Variants in ERMAP observed in about 807,000 individuals in gnomAD.
ERMAP encodes the protein erythroid membrane-associated protein.
In ERMAP, 34 loss-of-function variants were observed where a neutral mutation model predicts 49.5. The observed-to-expected ratio is 0.69, with a 90% CI of 0.52 to 0.91. The LOEUF (loss-of-function observed/expected upper bound fraction) is 0.91, where lower values mean the gene tolerates loss of function less well. Ranked by LOEUF, ERMAP falls within the 40% of genes least tolerant of loss-of-function variation. ERMAP has a pLI of 0.00. For missense variants in ERMAP, 541 were observed against 582.6 expected (o/e 0.93, Z 0.74); for synonymous variants, 214 against 232.2 (o/e 0.92, Z 0.71).
intron 8 of ERMAP, chr1:42,839,749 T>C: frequency 1.9e-6 from 1 of 523,566 alleles, no homozygotes; most frequent in Admixed American, 3.4e-5. Context: ...AACATCTACA[T>C]AATTTATGTT....
At chr1:42,837,261 A>G (rs1323108911) in intron 7 of ERMAP, 71 bp downstream of exon 7, 1 of 1,486,778 alleles carries the variant, frequency 6.7e-7, no homozygotes, top group African/African-American at 1.4e-5. Flanking sequence ...AAATGTTGAC[A>G]GTCATTATTA....
chr1:42,817,200 C>G lies in ERMAP; in HGVS notation c.-175C>G, dbSNP rs1231740004. 1 of 1,255,174 alleles carries G rather than the reference C, an allele frequency of 8.0e-7. No individual in the cohort carries two copies. The highest frequency in any genetic ancestry group is 1.3e-5 in the South Asian group (1 of 77,198). The allele number at this position is 1,255,174 out of a possible 1,614,324, so 77.8% of individuals were successfully genotyped here. A position where few individuals can be genotyped will look rare whatever the true frequency, so the allele number is the denominator to read the frequency against. On this transcript the variant is annotated 5_prime_UTR_variant, in exon 1 of 12. Transcript: ENST00000372517. ...CTTGGGAGTCTGTACCTTTCCCGAC[C>G]GGGCCACTGGAAGTTGGAGCCTCCG... is the stretch of plus-strand genomic sequence containing the variant.
chr1:42,839,911 A>C (rs1428098341), intron 8 of ERMAP, 122 bp from the exon 9 acceptor site: 5 of 960,044 alleles, frequency 5.2e-6, no homozygotes, highest in African/African-American at 3.3e-5. Context: ...CTTCTGGGGA[A>C]GTTCCAGGGT....
At chr1:42,838,449 G>A (rs539027208) in intron 7 of ERMAP, among the ~76,000 whole-genome samples, 35 of 152,290 alleles carry the variant, frequency 2.3e-4, no homozygotes, top group Non-Finnish European at 4.4e-4. Flanking sequence ...AATCTTCTGG[G>A]ACCTCCAATT....
intron 1 of ERMAP, among the ~76,000 whole-genome samples, chr1:42,822,706 A>G (rs988604869): frequency 6.6e-6 from 1 of 152,240 alleles, no homozygotes; most frequent in Non-Finnish European, 1.5e-5. Flanking sequence ...ATAAAACAGT[A>G]GAAGTTGTTC....
At chr1:42,818,105 C>T (rs1481169771) in intron 1 of ERMAP, among the ~76,000 whole-genome samples, 3 of 152,178 alleles carry the variant, frequency 2.0e-5, no homozygotes, top group Non-Finnish European at 4.4e-5. Flanking sequence ...TGTTTGGGTC[C>T]ACTATTTGTT....
At chr1:42,833,282 A>T (rs1273589937) in intron 4 of ERMAP, among the ~76,000 whole-genome samples, 1 of 152,268 alleles carries the variant, frequency 6.6e-6, no homozygotes, top group African/African-American at 2.4e-5. Context: ...AAAAAATCCA[A>T]AATATTTAAA....
chr1:42,833,660 T>A (rs1570539708), intron 4 of ERMAP, among the ~76,000 whole-genome samples: 1 of 152,196 alleles, frequency 6.6e-6, no homozygotes, highest in South Asian at 2.1e-4. Context: ...ATTTTTTTTT[T>A]AATAATGTAC....
chr1:42,838,778 T>C, intron 7 of ERMAP, 123 bp from the exon 8 acceptor site: 1 of 1,476,634 alleles, frequency 6.8e-7, no homozygotes, highest in South Asian at 1.2e-5. Flanking sequence ...GGAGCTGGAC[T>C]AGGGACATAG....
In ERMAP at chr1:42,835,083, T is replaced by G; in HGVS notation, c.479T>G (p.Val160Gly). The G allele has an allele frequency of 6.3e-7, 1 of 1,586,638 alleles. No individual in the cohort carries two copies. Among genetic ancestry groups the G allele is most frequent in the Non-Finnish European group, 8.7e-7 (1 of 1,154,760 alleles). Residue 160 changes from valine to glycine, a missense_variant, in exon 5 of 12, where the codon GTG becomes GGG. Physicochemically the swap from Val to Gly is moderately radical, Grantham distance 109 (BLOSUM62 -3). Transcript: ENST00000372517. ...TCCCCCTCAGCAGTGGCTCTGGCTGTGATCCTGCCTGTCCTGGTACTTCTC... is the reference window on the plus strand; with the variant it reads ...TCCCCCTCAGCAGTGGCTCTGGCTGGGATCCTGCCTGTCCTGGTACTTCTC... ...SLSPSAVALA[V>G]ILPVLVLLIM... is the part of the protein sequence containing the mutation.
In ERMAP at chr1:42,825,633, T is replaced by C. The variant is rs929062265; in HGVS notation, c.-111T>C. 1 of 1,288,728 alleles carries C rather than the reference T, an allele frequency of 7.8e-7. No individual in the cohort carries two copies. The highest frequency in any genetic ancestry group is 1.0e-6 in the Non-Finnish European group (1 of 988,690). The allele number at this position is 1,288,728 out of a possible 1,614,324, so 79.8% of individuals were successfully genotyped here. A position where few individuals can be genotyped will look rare whatever the true frequency, so the allele number is the denominator to read the frequency against. On this transcript the variant is annotated 5_prime_UTR_variant, in exon 2 of 12. It removes an upstream start codon present in the reference 5' UTR. Coordinates refer to ENST00000372517, the MANE Select transcript of ERMAP (RefSeq NM_001017922.2). ...GGCCCACATCCCTAGGCCTTCCTGA[T>C]GCGCTTGCCTGCTCCCTGGTCTCTC...
At chr1:42,842,496 C>T (rs756695893) in intron 11 of ERMAP, 21 bp from the exon 12 acceptor site, 1 of 1,597,846 alleles carries the variant, frequency 6.3e-7, no homozygotes, top group Admixed American at 1.7e-5. Flanking sequence ...CCAAGCCTCA[C>T]CTGTCTGTGT....
intron 7 of ERMAP, among the ~76,000 whole-genome samples, chr1:42,838,275 A>G (rs1177160139): frequency 6.6e-6 from 1 of 152,204 alleles, no homozygotes; most frequent in East Asian, 1.9e-4. Context: ...CTAATGCCTA[A>G]CACATGCCCG....
At chr1:42,824,998 C>T (rs577335584) in intron 1 of ERMAP, among the ~76,000 whole-genome samples, 2 of 152,190 alleles carry the variant, frequency 1.3e-5, no homozygotes, top group Admixed American at 1.3e-4. Flanking sequence ...GTCTGCTAGA[C>T]TCAGAAGCTA....
chr1:42,830,709 C>A, intron 3 of ERMAP, 59 bp from the exon 4 acceptor site: 1 of 1,466,250 alleles, frequency 6.8e-7, no homozygotes, highest in Admixed American at 2.2e-5. Context: ...CTTCCTCATC[C>A]CTTCCCAAGC....
chr1:42,844,276 G>A lies in ERMAP; in HGVS notation c.*1044G>A. On this transcript the variant is annotated 3_prime_UTR_variant, in exon 12 of 12. Transcript: ENST00000372517. The surrounding 1 kb of genome is among the most constrained non-coding windows in gnomAD (Gnocchi z 4.0). ...AATAATGACCTTGATTTTTGGGTGT[G>A]TATTGCAGAAGCCTCGTCGCTTTCA... is the stretch of plus-strand genomic sequence containing the variant. The A allele has an allele frequency of 2.5e-6, 1 of 396,492 alleles. No homozygotes were observed. The highest frequency in any genetic ancestry group is 4.4e-6 in the Non-Finnish European group (1 of 225,226). The allele number at this position is 396,492 out of a possible 1,614,324, so 24.6% of individuals were successfully genotyped here.
intron 11 of ERMAP, among the ~76,000 whole-genome samples, chr1:42,840,578 T>C (rs1022274941): frequency 2.6e-5 from 4 of 152,212 alleles, no homozygotes; most frequent in Non-Finnish European, 5.9e-5. Flanking sequence ...TTATCAGTTA[T>C]TTGTATTTCT....
At chr1:42,835,845 T>G in intron 6 of ERMAP, 81 bp downstream of exon 6, 1 of 1,524,772 alleles carries the variant, frequency 6.6e-7, no homozygotes. Context: ...CTAACCTGGA[T>G]TCTGTTCCTG....
chr1:42,825,832 C>A, intron 2 of ERMAP, 94 bp downstream of exon 2: 3 of 1,234,452 alleles, frequency 2.4e-6, no homozygotes, highest in East Asian at 5.8e-5. Context: ...TCTCCTTACG[C>A]ACAAGAACAT....
Sources: gnomAD v4.1 joint callset for allele counts (sites outside exome capture counted in the v4.1 genomes callset) on GRCh38, gnomAD v4.1.1 for gene constraint, Gnocchi (gnomAD v3.1) non-coding constraint, MANE v1.5 for transcripts, NCBI Gene and HGNC (gene_info 2026-07-23, HGNC 2026-07-21) for gene names.